JMJD1C: variants seen among roughly 807,000 people sequenced by gnomAD.
The protein encoded by JMJD1C is jumonji domain containing 1C.
A neutral mutation model predicts 245.3 loss-of-function variants in JMJD1C; 31 were observed. The ratio of observed to expected loss-of-function variants is 0.13; its 90% CI spans 0.09 to 0.17. JMJD1C has a LOEUF of 0.17. Ranked by LOEUF, JMJD1C falls within the 10% of genes least tolerant of loss-of-function variation. JMJD1C has a pLI of 1.00. For missense variants in JMJD1C, 2,691 were observed against 3,000.2 expected (o/e 0.90, Z 2.41); for synonymous variants, 1,057 against 1,017.4 (o/e 1.04, Z -0.74).
At chr10:63,396,097 A>G (rs66968503) in intron 1 of JMJD1C, among the ~76,000 whole-genome samples, 22,466 of 152,150 alleles carry the variant, frequency 0.15, 3,899 homozygotes, top group African/African-American at 0.42. Context: ...TTAAATGCAT[A>G]AGTAGAGAAT....
At position 63,186,394 on chromosome 10, in the gene JMJD1C, GATAA is replaced by G. The variant is rs751090141; in HGVS notation, c.6571-15_6571-12del. Reference sequence around the variant, plus strand: ...AGAAACCACTGCAGGCTTATAAATAGATAAATAAATAACAGTTAAAAGATATATA... The same window carrying G: ...AGAAACCACTGCAGGCTTATAAATAGATAAATAACAGTTAAAAGATATATA... On this transcript the variant is annotated splice_polypyrimidine_tract_variant and intron_variant, in intron 18 of 25. Coordinates refer to ENST00000399262, the MANE Select transcript of JMJD1C (RefSeq NM_032776.3). 7 of 1,570,096 alleles carry G rather than the reference GATAA, an allele frequency of 4.5e-6. No homozygotes were observed. Among genetic ancestry groups the G allele is most frequent in the African/African-American group, 1.4e-5 (1 of 72,670 alleles).
At chr10:63,488,540 T>C (rs1025105861) in intron 1 of JMJD1C, among the ~76,000 whole-genome samples, 2 of 48,874 alleles carry the variant, frequency 4.1e-5, no homozygotes, top group African/African-American at 1.5e-4. Flanking sequence ...AAAATGAATG[T>C]TAAAAAAAAA....
At chr10:63,296,013 A>ATATTTTT (rs71025149) in intron 2 of JMJD1C, among the ~76,000 whole-genome samples, 7 of 84,270 alleles carry the variant, frequency 8.3e-5, no homozygotes, top group South Asian at 4.2e-4. Context: ...GTATATATAT[A>ATATTTTT]TTTTTTTTTT....
intron 1 of JMJD1C, among the ~76,000 whole-genome samples, chr10:63,440,582 A>G (rs938497117): frequency 3.3e-5 from 5 of 152,146 alleles, no homozygotes; most frequent in Admixed American, 6.5e-5. Flanking sequence ...CTGAGCATCC[A>G]CCAAATAATG....
At chr10:63,334,388 A>G (rs1361519749) in intron 2 of JMJD1C, among the ~76,000 whole-genome samples, 1 of 152,184 alleles carries the variant, frequency 6.6e-6, no homozygotes, top group Admixed American at 6.5e-5. Flanking sequence ...AATATGATCT[A>G]TACTTCTATA....
At chr10:63,349,330 T>C (rs1378257912) in intron 2 of JMJD1C, among the ~76,000 whole-genome samples, 1 of 152,180 alleles carries the variant, frequency 6.6e-6, no homozygotes, top group African/African-American at 2.4e-5. Context: ...ACTAAGACAG[T>C]GTTTTTACAC....
chr10:63,185,902 A>G (rs955542361), intron 19 of JMJD1C, among the ~76,000 whole-genome samples: 3 of 152,112 alleles, frequency 2.0e-5, no homozygotes, highest in Admixed American at 2.0e-4. Context: ...AAATCTTGGT[A>G]ACATCACAAT....
At chr10:63,501,888 C>T (rs1954573709) in intron 1 of JMJD1C, among the ~76,000 whole-genome samples, 1 of 151,990 alleles carries the variant, frequency 6.6e-6, no homozygotes, top group South Asian at 2.1e-4. Flanking sequence ...TGATAATGGT[C>T]CTAAGAAAGA....
chr10:63,261,877 A>C (rs1854805420), intron 3 of JMJD1C, among the ~76,000 whole-genome samples: 1 of 152,234 alleles, frequency 6.6e-6, no homozygotes, highest in Non-Finnish European at 1.5e-5. Context: ...GAAAACATTT[A>C]ATTAGATTCA....
intron 2 of JMJD1C, among the ~76,000 whole-genome samples, chr10:63,298,105 A>G (rs1343309468): frequency 1.3e-5 from 2 of 152,168 alleles, no homozygotes; most frequent in Non-Finnish European, 2.9e-5. Context: ...CTGCCCCACT[A>G]TAGCAGCCAG....
At chr10:63,466,904 A>G (rs1953313014), upstream of JMJD1C, among the ~76,000 whole-genome samples, 1 of 152,162 alleles carries the variant, frequency 6.6e-6, no homozygotes, top group Admixed American at 6.5e-5. Context: ...ACCTCCCTAC[A>G]AATGTCAGTG....
intron 22 of JMJD1C, among the ~76,000 whole-genome samples, chr10:63,181,707 A>AG (rs1385844414): frequency 6.6e-6 from 1 of 152,240 alleles, no homozygotes; most frequent in Admixed American, 6.5e-5. Flanking sequence ...GCATAAACAA[A>AG]GATGAGGAAG....
intron 2 of JMJD1C, among the ~76,000 whole-genome samples, chr10:63,333,696 G>A (rs1473979883): frequency 6.6e-6 from 1 of 152,078 alleles, no homozygotes; most frequent in African/African-American, 2.4e-5. Context: ...CAATTATGAG[G>A]CAGAAACCTA....
At chr10:63,349,646 C>T (rs1338401120) in intron 2 of JMJD1C, among the ~76,000 whole-genome samples, 6 of 151,988 alleles carry the variant, frequency 3.9e-5, no homozygotes, top group Non-Finnish European at 7.4e-5. Flanking sequence ...CCTTGAAATG[C>T]GGGAACTATA....
intron 2 of JMJD1C, among the ~76,000 whole-genome samples, chr10:63,310,061 G>A (rs1398237011): frequency 6.6e-6 from 1 of 152,072 alleles, no homozygotes; most frequent in Non-Finnish European, 1.5e-5. Flanking sequence ...ACTCATAATA[G>A]CAATAACCAC....
At chr10:63,332,987 A>C (rs1037840810) in intron 2 of JMJD1C, among the ~76,000 whole-genome samples, 2 of 152,216 alleles carry the variant, frequency 1.3e-5, no homozygotes, top group Non-Finnish European at 2.9e-5. Flanking sequence ...TCAAAAATAA[A>C]AAAAGCAAAC....
chr10:63,383,260 G>A (rs939674710), intron 1 of JMJD1C, among the ~76,000 whole-genome samples: 2 of 149,790 alleles, frequency 1.3e-5, no homozygotes, highest in African/African-American at 4.9e-5. Context: ...ATCCACTAAA[G>A]ATATTCATTA....
At chr10:63,465,396 G>T in intron 1 of JMJD1C, 99 bp downstream of exon 1, 2 of 1,256,356 alleles carry the variant, frequency 1.6e-6, no homozygotes, top group Non-Finnish European at 2.2e-6. Flanking sequence ...CCGCCAGTTG[G>T]CCGGGCTGAG....
intron 10 of JMJD1C, chr10:63,203,774 G>A: frequency 1.9e-5 from 18 of 958,238 alleles, no homozygotes; most frequent in Non-Finnish European, 2.2e-5. Flanking sequence ...ACACTATTAT[G>A]TGTATGTGTA....
Sources: gnomAD v4.1 joint callset for allele counts (sites outside exome capture counted in the v4.1 genomes callset) on GRCh38, gnomAD v4.1.1 for gene constraint, MANE v1.5 for transcripts, NCBI Gene and HGNC (gene_info 2026-07-23, HGNC 2026-07-21) for gene names.